Variants in VEPH1 observed in about 807,000 individuals in gnomAD.
VEPH1 encodes the protein ventricular zone expressed PH domain containing 1.
In VEPH1, 80 loss-of-function variants were observed where a neutral mutation model predicts 85.2. The ratio of observed to expected loss-of-function variants is 0.94; its 90% confidence interval spans 0.78 to 1.13. The LOEUF is 1.13. VEPH1 is among the 50% of genes most tolerant of loss of function. The probability of loss-of-function intolerance (pLI) is 0.00; values close to 1 mark genes in which losing one functional copy is unlikely to be tolerated. For synonymous variants in VEPH1, 297 were observed against 348.0 expected (o/e 0.85, Z 1.63); for missense variants, 955 against 980.5 (o/e 0.97, Z 0.35).
chr3:157,289,427 T>C (rs1717198350), intron 11 of VEPH1, among the ~76,000 whole-genome samples: 1 of 152,244 alleles, frequency 6.6e-6, no homozygotes, highest in African/African-American at 2.4e-5. Context: ...TCAGAGGATT[T>C]AGGTGTTGTG....
chr3:157,449,623 C>A (rs1734808441), intron 4 of VEPH1, among the ~76,000 whole-genome samples: 1 of 152,182 alleles, frequency 6.6e-6, no homozygotes. Flanking sequence ...TCTCCCCCAA[C>A]AACTCCCATT....
intron 9 of VEPH1, among the ~76,000 whole-genome samples, chr3:157,346,013 A>G (rs1212873195): frequency 7.4e-6 from 1 of 135,328 alleles, no homozygotes. Context: ...GGAACATCAC[A>G]CACCCGGGCC....
At chr3:157,383,554 A>G (rs1560016423) in intron 6 of VEPH1, among the ~76,000 whole-genome samples, 1 of 152,222 alleles carries the variant, frequency 6.6e-6, no homozygotes, top group Admixed American at 6.5e-5. Context: ...AAGTTCCCTC[A>G]TTTTTGGTAC....
chr3:157,479,446 A>G (rs980349675), intron 2 of VEPH1, among the ~76,000 whole-genome samples: 1 of 152,166 alleles, frequency 6.6e-6, no homozygotes, highest in African/African-American at 2.4e-5. Context: ...TTCAGCATTC[A>G]TTAACCTTTT....
rs763985722 is a variant in VEPH1, at chr3:157,313,637, G to T, written c.1994C>A (p.Thr665Lys). 11 of 1,614,034 alleles carry T rather than the reference G, an allele frequency of 6.8e-6. No individual in the cohort carries two copies. Among genetic ancestry groups the T allele is most frequent in the Admixed American group, 5.0e-5 (3 of 60,024 alleles). Residue 665 changes from threonine (T) to lysine (K), a missense_variant, in exon 11 of 14, where the codon ACG (threonine) becomes AAG (lysine). Coordinates refer to ENST00000362010, the MANE Select transcript of VEPH1 (RefSeq NM_001167912.2). ...HSFETAMMESTFPQQKDLDQV... is the reference protein window; with the variant it reads ...HSFETAMMESKFPQQKDLDQV... The stretch of plus-strand genomic sequence containing the variant: ...AATATTTACCTTCTGCTGTGGAAAC[G>T]TGGACTCCATCATGGCAGTTTCAAA...
chr3:157,483,753 C>T (rs1048741013), intron 2 of VEPH1, among the ~76,000 whole-genome samples: 11 of 151,936 alleles, frequency 7.2e-5, no homozygotes, highest in Admixed American at 3.3e-4. Flanking sequence ...GGACAGAATA[C>T]GACGGATAGG....
intron 11 of VEPH1, among the ~76,000 whole-genome samples, chr3:157,294,788 C>T (rs1489756983): frequency 2.6e-5 from 4 of 151,958 alleles, no homozygotes; most frequent in Non-Finnish European, 5.9e-5. Flanking sequence ...GGGACCTGGG[C>T]TAAAAAAACA....
chr3:157,485,482 G>T (rs761093329), intron 2 of VEPH1, among the ~76,000 whole-genome samples: 5 of 151,874 alleles, frequency 3.3e-5, no homozygotes, highest in African/African-American at 4.8e-5. Flanking sequence ...AATGTTAAAG[G>T]CAACTATATT....
intron 4 of VEPH1, among the ~76,000 whole-genome samples, chr3:157,455,820 C>G (rs908859463): frequency 3.3e-4 from 50 of 152,130 alleles, no homozygotes; most frequent in African/African-American, 1.1e-3. Flanking sequence ...TTTAGCCAGT[C>G]TATGATTGAT....
At chr3:157,490,052 A>G (rs1301230210) in intron 2 of VEPH1, among the ~76,000 whole-genome samples, 1 of 152,010 alleles carries the variant, frequency 6.6e-6, no homozygotes, top group Non-Finnish European at 1.5e-5. Context: ...TTTGAGCAAC[A>G]TTTAAAAACA....
At chr3:157,401,192 A>G (rs933749396) in intron 6 of VEPH1, among the ~76,000 whole-genome samples, 1 of 152,180 alleles carries the variant, frequency 6.6e-6, no homozygotes, top group African/African-American at 2.4e-5. Context: ...CTTCTGGCCC[A>G]ATCATGGAAA....
At chr3:157,497,743 T>C (rs140240902) in intron 1 of VEPH1, among the ~76,000 whole-genome samples, 2 of 152,164 alleles carry the variant, frequency 1.3e-5, no homozygotes, top group African/African-American at 4.8e-5. Context: ...CACATTTACA[T>C]GACACCTGGT....
intron 6 of VEPH1, among the ~76,000 whole-genome samples, chr3:157,389,091 T>C (rs1170247515): frequency 1.3e-5 from 2 of 152,246 alleles, no homozygotes; most frequent in African/African-American, 4.8e-5. Context: ...GTTACATTTT[T>C]GTTAACTGAT....
At chr3:157,273,673 A>G (rs1187331776) in intron 12 of VEPH1, among the ~76,000 whole-genome samples, 2 of 152,240 alleles carry the variant, frequency 1.3e-5, no homozygotes, top group African/African-American at 4.8e-5. Flanking sequence ...TGTGAGAATC[A>G]GAGAGACCAA....
At chr3:157,348,727 G>A (rs1429176052) in intron 9 of VEPH1, among the ~76,000 whole-genome samples, 1 of 152,190 alleles carries the variant, frequency 6.6e-6, no homozygotes, top group Non-Finnish European at 1.5e-5. Context: ...ATCACCACAT[G>A]TGCATCTCTA....
At chr3:157,299,318 G>C (rs1718488892) in intron 11 of VEPH1, among the ~76,000 whole-genome samples, 1 of 151,880 alleles carries the variant, frequency 6.6e-6, no homozygotes, top group South Asian at 2.1e-4. Flanking sequence ...CAGACCTTTG[G>C]GCAGCTGAGG....
At chr3:157,321,631 G>T (rs1721359121) in intron 9 of VEPH1, among the ~76,000 whole-genome samples, 1 of 152,150 alleles carries the variant, frequency 6.6e-6, no homozygotes, top group South Asian at 2.1e-4. Context: ...GGTAATAGAA[G>T]TACCTCAAAA....
In VEPH1 at chr3:157,495,191, T is replaced by A. The variant is rs1394442608; in HGVS notation, c.138+21A>T. 2.5e-6 allele frequency: 4 copies of A among 1,611,014 alleles called. No homozygotes were observed. In the African/African-American group the frequency reaches 5.4e-5, roughly 22 times the overall value. ...AGGACAGGCCATTTCAGAGATGTAGTCTATAAACCAGTTTACTTACTGAAG... is the reference window on the plus strand; with the variant it reads ...AGGACAGGCCATTTCAGAGATGTAGACTATAAACCAGTTTACTTACTGAAG... On this transcript the variant is annotated intron_variant, in intron 2 of 13. Transcript: ENST00000362010.
rs374157714 is a variant in VEPH1, at chr3:157,397,111, G to A, written c.907-15735C>T. ...TTTAATCCATCTTGAGTTAATTTTT[G>A]TATAAGGAAAGGATCCAGTTTCAAT... On this transcript the variant is annotated intron_variant, in intron 6 of 13. Coordinates refer to ENST00000362010, the MANE Select transcript of VEPH1 (RefSeq NM_001167912.2). Among the ~76,000 whole-genome samples, 69 of 152,094 alleles carry A rather than the reference G, an allele frequency of 4.5e-4. 1 individual carries two copies. The highest frequency in any genetic ancestry group is 1.5e-3 in the African/African-American group (64 of 41,520).
Sources: allele counts gnomAD v4.1 joint callset (sites outside exome capture counted in the v4.1 genomes callset), GRCh38; gene constraint gnomAD v4.1.1; transcripts MANE v1.5; gene names NCBI Gene and HGNC (gene_info 2026-07-23, HGNC 2026-07-21).